Variants in ITCH observed in about 807,000 individuals in gnomAD.
The protein encoded by ITCH is itchy E3 ubiquitin protein ligase.
ITCH carries 28 observed loss-of-function variants against 126.8 expected under a neutral mutation model. The observed-to-expected ratio is 0.22, with a 90% CI of 0.16 to 0.30. ITCH has a LOEUF of 0.30. ITCH is among the 10% of genes least tolerant of loss of function. ITCH has a pLI of 1.00. For missense variants in ITCH, 631 were observed against 1,032.4 expected (o/e 0.61, Z 5.33); for synonymous variants, 342 against 340.0 (o/e 1.01, Z -0.06).
At chr20:34,444,768 G>A (rs910325340) in intron 10 of ITCH, among the ~76,000 whole-genome samples, 1 of 152,100 alleles carries the variant, frequency 6.6e-6, no homozygotes, top group Non-Finnish European at 1.5e-5. Context: ...AGCGTCCCGC[G>A]TAGCTGGGAC....
At chr20:34,425,344 TC>T (rs1420975567) in intron 7 of ITCH, among the ~76,000 whole-genome samples, 1 of 152,054 alleles carries the variant, frequency 6.6e-6, no homozygotes, top group East Asian at 1.9e-4. Flanking sequence ...GTCCAAGGTT[TC>T]CCCCCACTGA....
intron 3 of ITCH, chr20:34,401,631 GT>G (rs2038887404): frequency 1.0e-6 from 1 of 981,864 alleles, no homozygotes; most frequent in Admixed American, 6.2e-5. Flanking sequence ...TGGGGAACAT[GT>G]TTTCTCAACT....
chr20:34,490,678 A>C (rs560584713), intron 22 of ITCH, among the ~76,000 whole-genome samples: 92 of 152,308 alleles, frequency 6.0e-4, no homozygotes, highest in African/African-American at 2.0e-3. Flanking sequence ...ACCACATCAC[A>C]CTTAGTATTA....
At chr20:34,458,588 CTGGAGGCTAGAAGCT>C (rs1368446232) in intron 13 of ITCH, among the ~76,000 whole-genome samples, 2 of 152,180 alleles carry the variant, frequency 1.3e-5, no homozygotes, top group Non-Finnish European at 2.9e-5. Context: ...TCTCAGGGTT[CTGGAGGCTAGAAGCT>C]TGAGATCACG....
At chr20:34,446,127 T>C (rs994487174) in intron 11 of ITCH, among the ~76,000 whole-genome samples, 1 of 152,194 alleles carries the variant, frequency 6.6e-6, no homozygotes, top group African/African-American at 2.4e-5. Flanking sequence ...TTATAATCTC[T>C]CAAGTCATAC....
Position 34,475,472 on chromosome 20 carries a change from T to G in ITCH, c.1570-2300T>G, listed in dbSNP as rs1400060253. Among the ~76,000 whole-genome samples, 8 of 151,948 alleles carry G rather than the reference T, an allele frequency of 5.3e-5. No individual in the cohort carries two copies. In the South Asian group the frequency reaches 1.0e-3, roughly 20 times the overall value. On this transcript the variant is annotated intron_variant, in intron 16 of 24. Transcript: ENST00000374864. ...GCTGGAGACCGGCCCGGCCAACACA[T>G]CGAAATCCCGTCTCCACCAAAAAAA...
At chr20:34,476,762 T>C (rs1434129155) in intron 16 of ITCH, 3 of 183,164 alleles carry the variant, frequency 1.6e-5, no homozygotes, top group Non-Finnish European at 3.4e-5. Context: ...TTCATTCTTA[T>C]CACTCAATAA....
intron 2 of ITCH, among the ~76,000 whole-genome samples, chr20:34,371,480 C>T (rs1003085158): frequency 6.6e-6 from 1 of 151,608 alleles, no homozygotes; most frequent in African/African-American, 2.4e-5. Context: ...GACGGGGTTT[C>T]ACCACATTGG....
chr20:34,460,599 A>AC (rs1045687779), intron 13 of ITCH, among the ~76,000 whole-genome samples: 21 of 152,220 alleles, frequency 1.4e-4, no homozygotes, highest in African/African-American at 4.3e-4. Flanking sequence ...AGTCTCATAG[A>AC]CATTGTTGTC....
chr20:34,389,985 GT>G (rs1286159802), intron 2 of ITCH, among the ~76,000 whole-genome samples: 4 of 152,142 alleles, frequency 2.6e-5, no homozygotes, highest in Non-Finnish European at 4.4e-5. Context: ...GCTAGGTGTG[GT>G]TGTGGGTGCC....
chr20:34,382,848 A>G (rs1014424827), intron 2 of ITCH, among the ~76,000 whole-genome samples: 2 of 151,382 alleles, frequency 1.3e-5, no homozygotes, highest in East Asian at 1.9e-4. Context: ...GCTTCAAGCA[A>G]TTCTCCTGCC....
intron 1 of ITCH, among the ~76,000 whole-genome samples, chr20:34,364,215 G>A (rs2037319477): frequency 6.6e-6 from 1 of 152,180 alleles, no homozygotes; most frequent in South Asian, 2.1e-4. Flanking sequence ...TAAAGGGCCA[G>A]GAATTCATTA....
intron 12 of ITCH, 104 bp from the exon 13 acceptor site, chr20:34,457,286 T>C (rs1986096742): frequency 2.6e-6 from 2 of 779,712 alleles, no homozygotes; most frequent in East Asian, 5.3e-5. Flanking sequence ...AAATAAACAA[T>C]GAAATGAGAA....
chr20:34,506,025 C>G (rs1990598699), intron 24 of ITCH, among the ~76,000 whole-genome samples: 1 of 151,998 alleles, frequency 6.6e-6, no homozygotes, highest in African/African-American at 2.4e-5. Context: ...GCATTAAGTG[C>G]ATTCATATCA....
At chr20:34,499,272 CTTTTTTTTTTT>C (rs386393666) in intron 23 of ITCH, among the ~76,000 whole-genome samples, 9 of 23,028 alleles carry the variant, frequency 3.9e-4, no homozygotes, top group South Asian at 4.7e-3. Flanking sequence ...CTGTGCCCAG[CTTTTTTTTTTT>C]TTTTTTTTTT....
At chr20:34,393,421 C>T (rs986903862) in intron 2 of ITCH, among the ~76,000 whole-genome samples, 5 of 152,040 alleles carry the variant, frequency 3.3e-5, no homozygotes, top group African/African-American at 7.2e-5. Flanking sequence ...GTAATATCCT[C>T]AAGGGAATGA....
At chr20:34,374,347 C>T (rs2037754189) in intron 2 of ITCH, among the ~76,000 whole-genome samples, 1 of 152,192 alleles carries the variant, frequency 6.6e-6, no homozygotes, top group Admixed American at 6.6e-5. Context: ...TGAATTTTGA[C>T]TCTACTGTGT....
intron 7 of ITCH, among the ~76,000 whole-genome samples, chr20:34,431,700 T>C (rs1334195607): frequency 6.6e-6 from 1 of 152,050 alleles, no homozygotes; most frequent in Non-Finnish European, 1.5e-5. Flanking sequence ...AGTACAAGAT[T>C]ACAAAAGCAC....
chr20:34,364,153 C>G (rs776579388), intron 1 of ITCH, among the ~76,000 whole-genome samples: 4 of 152,146 alleles, frequency 2.6e-5, no homozygotes, highest in Non-Finnish European at 4.4e-5. Context: ...TTTGTGCGCC[C>G]GAAGTAGACG....
Sources: allele counts gnomAD v4.1 joint callset (sites outside exome capture counted in the v4.1 genomes callset), GRCh38; gene constraint gnomAD v4.1.1; transcripts MANE v1.5; gene names NCBI Gene and HGNC (gene_info 2026-07-23, HGNC 2026-07-21).